Variants in PEPD observed in about 807,000 individuals in gnomAD.
PEPD encodes peptidase D.
PEPD carries 53 observed loss-of-function variants against 60.7 expected under a neutral mutation model. The observed-to-expected ratio is 0.87, with a 90% CI of 0.70 to 1.10. PEPD has a LOEUF of 1.10. Among genes scored for constraint, PEPD ranks in the 50% least tolerant of loss-of-function variants. PEPD has a pLI of 0.00. For missense variants in PEPD, 711 were observed against 711.9 expected (o/e 1.00, Z 0.01); for synonymous variants, 267 against 284.1 (o/e 0.94, Z 0.60).
intron 3 of PEPD, among the ~76,000 whole-genome samples, chr19:33,503,482 G>A (rs567225112): frequency 5.9e-5 from 9 of 152,312 alleles, no homozygotes; most frequent in East Asian, 5.8e-4. Flanking sequence ...TATGGGGCAC[G>A]AATTGATGAC....
intron 6 of PEPD, among the ~76,000 whole-genome samples, chr19:33,487,636 G>A (rs991046095): frequency 3.9e-5 from 6 of 152,180 alleles, no homozygotes; most frequent in Non-Finnish European, 8.8e-5. Flanking sequence ...CTGAGGGGCC[G>A]GGTGAGCACC....
In PEPD at chr19:33,508,585, CGCTGGCGGCTGGTGCT is replaced by C. The variant is rs968377895; in HGVS notation, c.329+2427_329+2442del. Among the ~76,000 whole-genome samples the C allele has an allele frequency of 9.2e-5, 14 of 152,322 alleles. No individual in the cohort carries two copies. In the East Asian group the frequency reaches 9.6e-4, roughly 10 times the overall value. ...CAGATGGAAGGCTGGGCCTCATGCA[CGCTGGCGGCTGGTGCT>C]GCTGGCGGCTGGGGTCCCCCTATGG... On this transcript the variant is annotated intron_variant, in intron 3 of 14. Coordinates refer to ENST00000244137, the MANE Select transcript of PEPD (RefSeq NM_000285.4).
intron 12 of PEPD, among the ~76,000 whole-genome samples, chr19:33,401,104 C>A (rs1296907560): frequency 6.6e-6 from 1 of 152,186 alleles, no homozygotes. Context: ...GAGGGCAGGA[C>A]AGGTTGGCCT....
chr19:33,477,955 C>T (rs1386700741), intron 7 of PEPD, 91 bp downstream of exon 7: 7 of 864,450 alleles, frequency 8.1e-6, no homozygotes, highest in African/African-American at 1.7e-5. Flanking sequence ...CTGAGGGGCT[C>T]TCTGAGACGG....
chr19:33,387,655 CCT>C, intron 14 of PEPD, 174 bp from the exon 15 acceptor site: 1 of 870,068 alleles, frequency 1.1e-6, no homozygotes, highest in East Asian at 2.6e-5. Context: ...ACCTGCTCAC[CCT>C]GTCTTTGCCA....
At chr19:33,439,564 G>A (rs536568719) in intron 9 of PEPD, among the ~76,000 whole-genome samples, 3 of 152,348 alleles carry the variant, frequency 2.0e-5, no homozygotes, top group African/African-American at 7.2e-5. Flanking sequence ...AGGGCTGCCC[G>A]GCAATGCCTC....
intron 7 of PEPD, among the ~76,000 whole-genome samples, chr19:33,471,536 T>C (rs1970119996): frequency 6.6e-6 from 1 of 152,142 alleles, no homozygotes; most frequent in African/African-American, 2.4e-5. Context: ...CACCGGCCCC[T>C]GGAGTGAGAG....
chr19:33,445,279 G>A (rs1175530423), intron 9 of PEPD, among the ~76,000 whole-genome samples: 2 of 152,194 alleles, frequency 1.3e-5, no homozygotes, highest in Non-Finnish European at 2.9e-5. Flanking sequence ...CTACAGATAA[G>A]GCACCAGGCC....
intron 9 of PEPD, among the ~76,000 whole-genome samples, chr19:33,431,192 G>A (rs1053771836): frequency 6.8e-6 from 1 of 146,288 alleles, no homozygotes; most frequent in Non-Finnish European, 1.5e-5. Flanking sequence ...GGGAGGGAGG[G>A]AGGGAGGGAG....
chr19:33,519,647 A>T (rs537393177), intron 1 of PEPD, among the ~76,000 whole-genome samples: 12 of 152,186 alleles, frequency 7.9e-5, no homozygotes, highest in Admixed American at 1.3e-4. Context: ...CTTCCCAAGG[A>T]GACTGCCAGG....
At chr19:33,463,836 G>C in intron 8 of PEPD, 151 bp downstream of exon 8, 1 of 703,396 alleles carries the variant, frequency 1.4e-6, no homozygotes, top group Non-Finnish European at 2.6e-6. Context: ...CCAGGGAACA[G>C]AAAAGAGAAC....
chr19:33,438,600 G>A (rs925456743), intron 9 of PEPD, among the ~76,000 whole-genome samples: 2 of 152,234 alleles, frequency 1.3e-5, no homozygotes, highest in African/African-American at 4.8e-5. Context: ...GAAGCCGACA[G>A]CCCAACCCTG....
At chr19:33,511,327 C>T (rs1970922886) in intron 2 of PEPD, 172 bp from the exon 3 acceptor site, 1 of 670,358 alleles carries the variant, frequency 1.5e-6, no homozygotes, top group Non-Finnish European at 2.6e-6. Flanking sequence ...CTCATCCTCC[C>T]GTAGTTTGGC....
At chr19:33,481,017 G>T (rs11878612) in intron 6 of PEPD, among the ~76,000 whole-genome samples, 1 of 151,662 alleles carries the variant, frequency 6.6e-6, no homozygotes, top group Non-Finnish European at 1.5e-5. Context: ...GACCACAATG[G>T]AATGAAATAA....
intron 9 of PEPD, among the ~76,000 whole-genome samples, chr19:33,421,669 T>C (rs559813270): frequency 2.0e-4 from 30 of 152,048 alleles, no homozygotes; most frequent in Admixed American, 2.0e-3. Flanking sequence ...TTTTTTTATA[T>C]GTTTTGTGGA....
At chr19:33,437,095 T>C (rs11673452) in intron 9 of PEPD, among the ~76,000 whole-genome samples, 14,665 of 151,812 alleles carry the variant, frequency 0.097, 762 homozygotes, top group Non-Finnish European at 0.11. Context: ...GCAAAACAAG[T>C]GGGGGTCTCT....
At chr19:33,462,014 G>A (rs1205061402) in intron 9 of PEPD, among the ~76,000 whole-genome samples, 1 of 152,190 alleles carries the variant, frequency 6.6e-6, no homozygotes, top group Non-Finnish European at 1.5e-5. Flanking sequence ...CGTCCCCTAA[G>A]CACAGCCACA....
intron 5 of PEPD, among the ~76,000 whole-genome samples, chr19:33,490,908 G>A (rs934425688): frequency 6.6e-6 from 1 of 151,764 alleles, no homozygotes; most frequent in East Asian, 2.0e-4. Context: ...AGTGATCCGC[G>A]TACCTCGGCC....
chr19:33,458,551 GGGTGTGTGTGTGGTATGTGGAACGAGTGT>G (rs61720709), intron 9 of PEPD, among the ~76,000 whole-genome samples: 56,062 of 142,060 alleles, frequency 0.39, 11,054 homozygotes, highest in African/African-American at 0.52. Flanking sequence ...GTGTGGTGTG[GGGTGTGTGTGTGGTATGTGGAACGAGTGT>G]GGTGTGTGTG....
Sources: allele counts gnomAD v4.1 joint callset (sites outside exome capture counted in the v4.1 genomes callset), GRCh38; gene constraint gnomAD v4.1.1; transcripts MANE v1.5; gene names NCBI Gene and HGNC (gene_info 2026-07-23, HGNC 2026-07-21).